The following ACADM variants were observed in gnomAD, a reference collection of about 807,000 sequenced individuals.
The protein encoded by ACADM is medium-chain specific acyl-CoA dehydrogenase, mitochondrial.
ACADM carries 49 observed loss-of-function variants against 58.9 expected under a neutral mutation model. The ratio of observed to expected loss-of-function variants is 0.83; its 90% CI spans 0.66 to 1.06. The LOEUF (loss-of-function observed/expected upper bound fraction) is 1.06, where lower values mean the gene tolerates loss of function less well. ACADM is among the 50% of genes least tolerant of loss of function. The pLI is 0.00. For missense variants in ACADM, 496 were observed against 507.0 expected (o/e 0.98, Z 0.21); for synonymous variants, 160 against 157.7 (o/e 1.01, Z -0.11).
chr1:75,729,351 G>A (rs544962217), intron 2 of ACADM, among the ~76,000 whole-genome samples: 1 of 128,830 alleles, frequency 7.8e-6, no homozygotes, highest in Non-Finnish European at 1.6e-5. Flanking sequence ...TGCCCAGGCC[G>A]ATCTTGAACT....
At chr1:75,753,106 C>CT (rs1252052017) in intron 10 of ACADM, among the ~76,000 whole-genome samples, 4 of 151,964 alleles carry the variant, frequency 2.6e-5, no homozygotes, top group African/African-American at 9.7e-5. Flanking sequence ...CCTTTTTTTT[C>CT]TTGTTCTTTT....
chr1:75,740,885 A>C (rs1306949187), intron 7 of ACADM, among the ~76,000 whole-genome samples: 1 of 152,242 alleles, frequency 6.6e-6, no homozygotes, highest in Non-Finnish European at 1.5e-5. Context: ...AGGAGCCTAC[A>C]AAACATGTTC....
In ACADM at chr1:75,732,633, T is replaced by A; in HGVS notation, c.119-11T>A. 6.2e-7 allele frequency: 1 copy of A among 1,607,230 alleles called. No homozygotes were observed. Among genetic ancestry groups the A allele is most frequent in the East Asian group, 2.2e-5 (1 of 44,802 alleles). Reference sequence around the variant, plus strand: ...ATCCAGTTTTAACTTTTCTAAATAATTTTCCCTTAGAGTTCACCGAACAGC... The same window carrying A: ...ATCCAGTTTTAACTTTTCTAAATAAATTTCCCTTAGAGTTCACCGAACAGC... On this transcript the variant is annotated splice_polypyrimidine_tract_variant and intron_variant, in intron 2 of 11. Transcript: ENST00000370841.
chr1:75,734,375 C>A (rs1173550434), intron 5 of ACADM, among the ~76,000 whole-genome samples: 1 of 150,718 alleles, frequency 6.6e-6, no homozygotes, highest in East Asian at 2.0e-4. Context: ...CGGGGTGTCA[C>A]CCTGTTGGCC....
chr1:75,745,553 C>T, intron 7 of ACADM: 1 of 494,620 alleles, frequency 2.0e-6, no homozygotes, highest in South Asian at 2.2e-5. Flanking sequence ...CTGCGGGTAA[C>T]TGAAACCACA....
chr1:75,733,382 C>T (rs1339456217), intron 4 of ACADM, 146 bp from the exon 5 acceptor site: 1 of 964,096 alleles, frequency 1.0e-6, no homozygotes, highest in Non-Finnish European at 1.5e-6. Flanking sequence ...TCTTATTGTG[C>T]CAGCCAGAAC....
In ACADM at chr1:75,728,439, G is replaced by A. The variant is rs1460265023; in HGVS notation, c.69G>A (p.Gln23=). The change falls in exon 2 of 12, where the codon CAG becomes CAA. Residue 23 remains glutamine (Q), a synonymous_variant. Transcript: ENST00000370841. ...RSISRFHWRS[Q]HTKANRQREP... ...TTTCTCGTTTTCATTGGAGATCACA[G>A]CATACAAAAGCCAATCGACAACGTG... The A allele has an allele frequency of 6.2e-7, 1 of 1,613,438 alleles. No homozygotes were observed. Among genetic ancestry groups the A allele is most frequent in the African/African-American group, 1.3e-5 (1 of 74,898 alleles).
At chr1:75,749,388 A>T (rs1648071989) in intron 8 of ACADM, 31 bp from the exon 9 acceptor site, 1 of 1,611,260 alleles carries the variant, frequency 6.2e-7, no homozygotes, top group Non-Finnish European at 8.5e-7. Flanking sequence ...CTCAAAAAAA[A>T]TTCCTTAAAA....
At chr1:75,758,171 TCCTCCCTCAG>T (rs1648616592) in intron 10 of ACADM, among the ~76,000 whole-genome samples, 2 of 152,140 alleles carry the variant, frequency 1.3e-5, no homozygotes, top group East Asian at 1.9e-4. Context: ...CAATTGATTC[TCCTCCCTCAG>T]CCTCCCACAT....
intron 10 of ACADM, among the ~76,000 whole-genome samples, chr1:75,757,192 G>A (rs1434791529): frequency 6.6e-6 from 1 of 152,184 alleles, no homozygotes; most frequent in East Asian, 1.9e-4. Context: ...GGAAACAAAA[G>A]CCAAAATTGA....
chr1:75,732,484 T>A, intron 2 of ACADM, 160 bp from the exon 3 acceptor site: 1 of 671,206 alleles, frequency 1.5e-6, no homozygotes, highest in Non-Finnish European at 2.7e-6. Flanking sequence ...ATTTATATTG[T>A]GTAGTGAACT....
intron 1 of ACADM, 121 bp from the exon 2 acceptor site, chr1:75,728,280 G>T: frequency 3.0e-6 from 2 of 669,472 alleles, no homozygotes; most frequent in South Asian, 4.2e-5. Context: ...AAATAGTGAT[G>T]ACTTTAAAAA....
Position 75,724,755 on chromosome 1 carries a change from A to G in ACADM, c.-33A>G, listed in dbSNP as rs746085082. ...AGTATGTCAAGGCCGTGACCCGTGT[A>G]TTATTGTCCGAGTGGCCGGAACGGG... is the stretch of plus-strand genomic sequence containing the variant. On this transcript the variant is annotated 5_prime_UTR_variant, in exon 1 of 12. Coordinates refer to ENST00000370841, the MANE Select transcript of ACADM (RefSeq NM_000016.6). 4 of 1,535,710 alleles carry G rather than the reference A, an allele frequency of 2.6e-6. No individual in the cohort carries two copies. The highest frequency in any genetic ancestry group is 2.6e-5 in the East Asian group (1 of 38,294).
At chr1:75,734,701 A>T in intron 5 of ACADM, 90 bp from the exon 6 acceptor site, 3 of 1,040,856 alleles carry the variant, frequency 2.9e-6, no homozygotes, top group Non-Finnish European at 4.4e-6. Flanking sequence ...GGTGAAAAAT[A>T]GTTATTTTTT....
chr1:75,745,626 A>G, intron 7 of ACADM, 180 bp from the exon 8 acceptor site: 1 of 629,246 alleles, frequency 1.6e-6, no homozygotes, highest in South Asian at 1.8e-5. Context: ...GACCTCAAAT[A>G]CTAGCTCTTC....
chr1:75,729,832 A>G (rs1460204898), intron 2 of ACADM, among the ~76,000 whole-genome samples: 3 of 151,302 alleles, frequency 2.0e-5, no homozygotes, highest in African/African-American at 7.3e-5. Context: ...TCTGTAGCCA[A>G]AGACTAAATG....
chr1:75,741,408 C>G (rs1334537927), intron 7 of ACADM, among the ~76,000 whole-genome samples: 1 of 152,112 alleles, frequency 6.6e-6, no homozygotes, highest in Non-Finnish European at 1.5e-5. Context: ...AGTGAAGAAA[C>G]TATTAAAATT....
intron 10 of ACADM, among the ~76,000 whole-genome samples, chr1:75,760,682 A>G (rs906051953): frequency 6.6e-6 from 1 of 152,002 alleles, no homozygotes; most frequent in African/African-American, 2.4e-5. Context: ...AGGAATTATA[A>G]TAGCCTGGGA....
intron 4 of ACADM, chr1:75,733,211 T>C: frequency 6.3e-7 from 1 of 1,585,010 alleles, no homozygotes. Flanking sequence ...CTATATTACA[T>C]TTTATTGAGT....
Sources: allele counts gnomAD v4.1 joint callset (sites outside exome capture counted in the v4.1 genomes callset), GRCh38; gene constraint gnomAD v4.1.1; transcripts MANE v1.5; gene names NCBI Gene and HGNC (gene_info 2026-07-23, HGNC 2026-07-21).